CRB1: variants seen among roughly 807,000 people sequenced by gnomAD.
CRB1 encodes crumbs cell polarity complex component 1.
A neutral mutation model predicts 120.0 loss-of-function variants in CRB1; 83 were observed. The observed-to-expected ratio is 0.69, with a 90% CI of 0.58 to 0.83. The LOEUF (loss-of-function observed/expected upper bound fraction) is 0.83. CRB1 is among the 40% of genes least tolerant of loss of function. CRB1 has a pLI of 0.00. For missense variants in CRB1, 1,699 were observed against 1,687.6 expected (o/e 1.01, Z -0.12); for synonymous variants, 625 against 612.5 (o/e 1.02, Z -0.30).
chr1:197,369,442 C>G (rs1191671206), intron 5 of CRB1, among the ~76,000 whole-genome samples: 3 of 152,042 alleles, frequency 2.0e-5, no homozygotes, highest in African/African-American at 7.2e-5. Flanking sequence ...GAAAAAGTAT[C>G]CAAAACCTCT....
chr1:197,341,615 A>G (rs929870858), intron 2 of CRB1, among the ~76,000 whole-genome samples: 1 of 152,142 alleles, frequency 6.6e-6, no homozygotes, highest in African/African-American at 2.4e-5. Flanking sequence ...TTATGTGAAA[A>G]CGTCACAGGG....
chr1:197,458,034 A>G (rs1400098215), intron 11 of CRB1, among the ~76,000 whole-genome samples: 1 of 152,098 alleles, frequency 6.6e-6, no homozygotes, highest in Non-Finnish European at 1.5e-5. Flanking sequence ...TAGAAAAGGG[A>G]AATTCTGGAA....
intron 6 of CRB1, among the ~76,000 whole-genome samples, chr1:197,424,482 C>A (rs191551286): frequency 6.6e-6 from 1 of 152,040 alleles, no homozygotes; most frequent in Non-Finnish European, 1.5e-5. Flanking sequence ...CATAGTTTTC[C>A]GACACTTCAT....
chr1:197,425,697 T>C (rs1664547013), intron 6 of CRB1, among the ~76,000 whole-genome samples: 1 of 152,176 alleles, frequency 6.6e-6, no homozygotes, highest in Non-Finnish European at 1.5e-5. Context: ...ACTAGGCTTA[T>C]GGGACACCAC....
intron 1 of CRB1, among the ~76,000 whole-genome samples, chr1:197,287,222 C>T (rs909976398): frequency 4.0e-5 from 6 of 151,740 alleles, no homozygotes; most frequent in African/African-American, 1.2e-4. Context: ...TTTGATAAAC[C>T]ATGAGTTGAG....
At chr1:197,239,021 G>A in the CRB1 span, among the ~76,000 whole-genome samples, 1 of 146,242 alleles carries the variant, frequency 6.8e-6, no homozygotes, top group African/African-American at 2.5e-5. Context: ...TTGGATAGAT[G>A]CATCTCTTAC....
chr1:197,353,814 T>TAAAAAAAAAAAAAAAAAAAAA (rs57274486), intron 4 of CRB1, among the ~76,000 whole-genome samples: 1 of 89,430 alleles, frequency 1.1e-5, no homozygotes, highest in Non-Finnish European at 2.1e-5. Context: ...AATATATAAA[T>TAAAAAAAAAAAAAAAAAAAAA]AAAAAAAAAA....
At chr1:197,212,010 C>T in the CRB1 span, among the ~76,000 whole-genome samples, 1 of 151,868 alleles carries the variant, frequency 6.6e-6, no homozygotes, top group Non-Finnish European at 1.5e-5. Context: ...AAGATGAGCA[C>T]AGGGAAAGAT....
intron 11 of CRB1, among the ~76,000 whole-genome samples, chr1:197,451,584 A>C (rs1475867431): frequency 2.6e-5 from 4 of 152,226 alleles, no homozygotes; most frequent in Non-Finnish European, 5.9e-5. Flanking sequence ...ATTCTGCCCC[A>C]TTCAGAGCAA....
intron 10 of CRB1, chr1:197,441,438 G>A (rs1665428212): frequency 6.6e-6 from 1 of 152,068 alleles, no homozygotes; most frequent in Non-Finnish European, 1.5e-5. Flanking sequence ...ATTTACCTGA[G>A]ACTTGATGTC....
At chr1:197,220,907 A>G in the CRB1 span, among the ~76,000 whole-genome samples, 2 of 152,170 alleles carry the variant, frequency 1.3e-5, no homozygotes, top group African/African-American at 4.8e-5. Flanking sequence ...TGCTTCCTGT[A>G]CAGCCTGTGG....
At chr1:197,451,550 C>T (rs530584403) in intron 11 of CRB1, among the ~76,000 whole-genome samples, 6 of 152,310 alleles carry the variant, frequency 3.9e-5, no homozygotes, top group Middle Eastern at 6.8e-3. Flanking sequence ...GCTGCTTTCT[C>T]TGAAACTGAA....
chr1:197,453,151 T>C (rs1195577250), intron 11 of CRB1, among the ~76,000 whole-genome samples: 4 of 151,666 alleles, frequency 2.6e-5, no homozygotes, highest in Non-Finnish European at 5.9e-5. Flanking sequence ...AGTTCACTTA[T>C]ATGAGATATC....
At chr1:197,231,880 C>G in the CRB1 span, among the ~76,000 whole-genome samples, 14 of 152,232 alleles carry the variant, frequency 9.2e-5, 1 homozygote, top group South Asian at 2.1e-3. Flanking sequence ...GTGCCTACCC[C>G]ACCTCGACCA....
intron 11 of CRB1, among the ~76,000 whole-genome samples, chr1:197,470,966 ATTGTTTAACCT>A (rs1445652069): frequency 2.0e-5 from 3 of 152,182 alleles, no homozygotes; most frequent in South Asian, 4.1e-4. Context: ...GTTGAGGTTG[ATTGTTTAACCT>A]GGAACTAGAA....
intron 1 of CRB1, among the ~76,000 whole-genome samples, chr1:197,289,112 G>GAGACAGACCAA (rs1439935948): frequency 6.6e-6 from 1 of 151,414 alleles, no homozygotes; most frequent in Non-Finnish European, 1.5e-5. Flanking sequence ...GGACAGACCA[G>GAGACAGACCAA]AGACAGACCA....
intron 1 of CRB1, among the ~76,000 whole-genome samples, chr1:197,318,878 G>A (rs1026335993): frequency 6.6e-6 from 1 of 152,088 alleles, no homozygotes; most frequent in Non-Finnish European, 1.5e-5. Context: ...GCCAATGGGT[G>A]CAAAGTTATA....
At chr1:197,474,943 C>T (rs922297098) in intron 11 of CRB1, among the ~76,000 whole-genome samples, 5 of 152,124 alleles carry the variant, frequency 3.3e-5, no homozygotes, top group East Asian at 3.9e-4. Flanking sequence ...CCCAACTCTG[C>T]GGTTCTGTTC....
Position 197,343,470 on chromosome 1 carries a change from G to A in CRB1, c.653-811G>A, listed in dbSNP as rs1014989307. The stretch of plus-strand genomic sequence containing the variant: ...AAATAATACCTACTAATTTTGGGGG[G>A]ATAAGTACAGTTTTTTTTTAACATA... On this transcript the variant is annotated intron_variant, in intron 2 of 11. Transcript: ENST00000367400. 4.6e-5 allele frequency among the ~76,000 whole-genome samples: 7 copies of A among 151,862 alleles called. 1 individual carries two copies. Among genetic ancestry groups the A allele is most frequent in the African/African-American group, 1.7e-4 (7 of 41,366 alleles).
Sources: gnomAD v4.1 joint callset for allele counts (sites outside exome capture counted in the v4.1 genomes callset) on GRCh38, gnomAD v4.1.1 for gene constraint, MANE v1.5 for transcripts, NCBI Gene and HGNC (gene_info 2026-07-23, HGNC 2026-07-21) for gene names.